PPP1R9A: variants seen among roughly 807,000 people sequenced by gnomAD.
PPP1R9A encodes protein phosphatase 1 regulatory subunit 9A.
In PPP1R9A, 59 loss-of-function variants were observed where a neutral mutation model predicts 141.9. The ratio of observed to expected loss-of-function variants is 0.42; its 90% CI spans 0.34 to 0.52. The LOEUF (loss-of-function observed/expected upper bound fraction) is 0.52, where lower values mean the gene tolerates loss of function less well. Among genes scored for constraint, PPP1R9A ranks in the 20% least tolerant of loss-of-function variants. PPP1R9A has a pLI of 0.10. For synonymous variants in PPP1R9A, 500 were observed against 569.7 expected (o/e 0.88, Z 1.74); for missense variants, 1,444 against 1,611.9 (o/e 0.90, Z 1.78).
intron 2 of PPP1R9A, among the ~76,000 whole-genome samples, chr7:94,997,328 A>T (rs1337564992): frequency 1.3e-5 from 2 of 151,648 alleles, no homozygotes; most frequent in African/African-American, 2.4e-5. Flanking sequence ...CATATCTGAA[A>T]TTTTTTATTG....
intron 2 of PPP1R9A, among the ~76,000 whole-genome samples, chr7:94,929,428 A>C (rs1793890621): frequency 6.6e-6 from 1 of 152,166 alleles, no homozygotes; most frequent in African/African-American, 2.4e-5. Context: ...AGGTTTAATA[A>C]GTGTTGGTAG....
chr7:95,273,917 A>C lies in PPP1R9A; in HGVS notation c.3143A>C (p.Lys1048Thr), dbSNP rs781600474. The C allele has an allele frequency of 2.0e-6, 3 of 1,503,918 alleles. No individual in the cohort carries two copies. Among genetic ancestry groups the C allele is most frequent in the African/African-American group, 1.4e-5 (1 of 72,828 alleles). The allele number at this position is 1,503,918 out of a possible 1,614,324, so 93.2% of individuals were successfully genotyped here. The change falls in exon 15 of 20, where the codon AAA (lysine) becomes ACA (threonine). Residue 1048 changes from lysine to threonine, a missense_variant. Lys to Thr is a moderately conservative substitution (Grantham distance 78). Transcript: ENST00000433360. ...LREKDDAKDP[K>T]SLRASSSLAV... Reference sequence around the variant, plus strand: ...ATCCTAGATGATGCCAAAGATCCCAAATCACTAAGGGCATCCAGTTCATTG... The same window carrying C: ...ATCCTAGATGATGCCAAAGATCCCACATCACTAAGGGCATCCAGTTCATTG...
At chr7:95,084,271 G>T (rs1200740401) in intron 2 of PPP1R9A, among the ~76,000 whole-genome samples, 2 of 151,920 alleles carry the variant, frequency 1.3e-5, no homozygotes, top group Non-Finnish European at 2.9e-5. Context: ...ACATAAGGAT[G>T]ATATACCTAA....
intron 2 of PPP1R9A, among the ~76,000 whole-genome samples, chr7:95,058,876 G>T (rs1811840959): frequency 6.6e-6 from 1 of 151,736 alleles, no homozygotes; most frequent in Non-Finnish European, 1.5e-5. Context: ...TGCAACCTCT[G>T]ACTCCCTGGT....
chr7:95,172,836 G>T (rs1434348087), intron 5 of PPP1R9A, among the ~76,000 whole-genome samples: 1 of 151,868 alleles, frequency 6.6e-6, no homozygotes, highest in Admixed American at 6.6e-5. Flanking sequence ...AGGCAATCTG[G>T]TTGAGGTATA....
At chr7:95,097,608 A>T (rs1818216360) in intron 2 of PPP1R9A, among the ~76,000 whole-genome samples, 1 of 152,204 alleles carries the variant, frequency 6.6e-6, no homozygotes, top group African/African-American at 2.4e-5. Flanking sequence ...GTATATTTGA[A>T]ACCAAAAGTT....
chr7:95,174,571 T>C (rs1832624745), intron 5 of PPP1R9A, among the ~76,000 whole-genome samples: 1 of 152,124 alleles, frequency 6.6e-6, no homozygotes, highest in Non-Finnish European at 1.5e-5. Flanking sequence ...ATCGTTAACT[T>C]AAAAAGCACC....
intron 8 of PPP1R9A, among the ~76,000 whole-genome samples, chr7:95,238,642 G>A (rs1472410801): frequency 1.3e-5 from 2 of 152,148 alleles, no homozygotes; most frequent in Non-Finnish European, 2.9e-5. Context: ...TTGAATTCAA[G>A]AGAGACAGGG....
chr7:95,261,842 CT>C (rs2153032877), intron 12 of PPP1R9A, among the ~76,000 whole-genome samples: 1 of 152,242 alleles, frequency 6.6e-6, no homozygotes, highest in South Asian at 2.1e-4. Flanking sequence ...TCTTATACAT[CT>C]ATTATATTAC....
chr7:95,015,336 A>C (rs1804963962), intron 2 of PPP1R9A, among the ~76,000 whole-genome samples: 1 of 152,078 alleles, frequency 6.6e-6, no homozygotes, highest in Admixed American at 6.6e-5. Context: ...GCTATTTATC[A>C]TTGCCACAAC....
At chr7:94,986,011 A>G (rs1800783460) in intron 2 of PPP1R9A, among the ~76,000 whole-genome samples, 2 of 152,186 alleles carry the variant, frequency 1.3e-5, no homozygotes, top group African/African-American at 4.8e-5. Context: ...CACAAGTTTT[A>G]AAATCTTTGG....
intron 2 of PPP1R9A, among the ~76,000 whole-genome samples, chr7:94,987,758 C>T (rs1283092128): frequency 6.6e-6 from 1 of 152,060 alleles, no homozygotes; most frequent in East Asian, 1.9e-4. Flanking sequence ...ATGTTCTCTT[C>T]TTTTGAAAAC....
At chr7:95,252,550 C>A (rs980407911) in intron 12 of PPP1R9A, among the ~76,000 whole-genome samples, 1 of 147,584 alleles carries the variant, frequency 6.8e-6, no homozygotes, top group Non-Finnish European at 1.5e-5. Flanking sequence ...TCACTACAAC[C>A]TTCGCCTCCC....
At chr7:95,229,168 C>T (rs1795554783) in intron 8 of PPP1R9A, among the ~76,000 whole-genome samples, 1 of 151,838 alleles carries the variant, frequency 6.6e-6, no homozygotes, top group African/African-American at 2.4e-5. Context: ...GCTGCAGCTT[C>T]TGCTTGGTTG....
intron 2 of PPP1R9A, among the ~76,000 whole-genome samples, chr7:95,073,929 C>G (rs912242048): frequency 1.3e-5 from 2 of 151,496 alleles, no homozygotes; most frequent in East Asian, 3.9e-4. Context: ...TTCACACTCA[C>G]ACACGCTATT....
intron 2 of PPP1R9A, among the ~76,000 whole-genome samples, chr7:95,094,491 C>T (rs1817761599): frequency 6.6e-6 from 1 of 152,108 alleles, no homozygotes; most frequent in Non-Finnish European, 1.5e-5. Flanking sequence ...GGAATGGCAC[C>T]TAGATGTGGT....
At chr7:95,090,232 A>G (rs1281993233) in intron 2 of PPP1R9A, among the ~76,000 whole-genome samples, 1 of 151,924 alleles carries the variant, frequency 6.6e-6, no homozygotes, top group Non-Finnish European at 1.5e-5. Context: ...GGCAAATACA[A>G]GCTTATTAAA....
chr7:95,286,181 C>T (rs1206813792), intron 17 of PPP1R9A, 25 bp from the exon 18 acceptor site: 3 of 1,610,528 alleles, frequency 1.9e-6, no homozygotes, highest in Non-Finnish European at 2.5e-6. Context: ...ACTCATTTAA[C>T]ACTGAGCTTC....
intron 2 of PPP1R9A, among the ~76,000 whole-genome samples, chr7:94,985,284 A>G (rs1800671099): frequency 6.6e-6 from 1 of 152,214 alleles, no homozygotes; most frequent in Non-Finnish European, 1.5e-5. Context: ...TGATGCTGAG[A>G]ATAATGTATA....
Sources: allele counts gnomAD v4.1 joint callset (sites outside exome capture counted in the v4.1 genomes callset), GRCh38; gene constraint gnomAD v4.1.1; transcripts MANE v1.5; gene names NCBI Gene and HGNC (gene_info 2026-07-23, HGNC 2026-07-21).